Variants in THSD4 observed in about 807,000 individuals in gnomAD.
The protein encoded by THSD4 is thrombospondin type-1 domain-containing protein 4.
Under a neutral mutation model 119.0 loss-of-function variants are expected in THSD4, and 69 were observed. The observed-to-expected ratio is 0.58, with a 90% CI of 0.48 to 0.71. The LOEUF (loss-of-function observed/expected upper bound fraction) is 0.71, where lower values mean the gene tolerates loss of function less well. Among genes scored for constraint, THSD4 ranks in the 30% least tolerant of loss-of-function variants. THSD4 has a pLI of 0.00. For synonymous variants in THSD4, 524 were observed against 540.4 expected, an observed-to-expected ratio of 0.97 and a Z score of 0.42; for missense variants, 1,393 against 1,391.1, an observed-to-expected ratio of 1.00 and a Z score of -0.02.
At chr15:71,595,858 G>C (rs1337555403) in intron 7 of THSD4, among the ~76,000 whole-genome samples, 2 of 152,186 alleles carry the variant, frequency 1.3e-5, no homozygotes, top group African/African-American at 4.8e-5. Context: ...TAAGAAACTT[G>C]CCCAAGGTCT....
intron 6 of THSD4, among the ~76,000 whole-genome samples, chr15:71,287,899 T>C (rs2044738136): frequency 6.6e-6 from 1 of 152,226 alleles, no homozygotes; most frequent in South Asian, 2.1e-4. Flanking sequence ...AAATGATTTC[T>C]ATGGCTGAGA....
chr15:71,648,169 A>G lies in THSD4; in HGVS notation c.1153-12361A>G, dbSNP rs116870341. Among the ~76,000 whole-genome samples the G allele has an allele frequency of 1.8e-3, 278 of 152,302 alleles. 11 individuals carry two copies. The East Asian group carries it at 0.052, about 29-fold the overall frequency. ...CTTACCTTCTCAGAGCTTTGGCAAAATAGGGATAGTAATTCTTACCTCCTG... is the reference window on the plus strand; with the variant it reads ...CTTACCTTCTCAGAGCTTTGGCAAAGTAGGGATAGTAATTCTTACCTCCTG... On this transcript the variant is annotated intron_variant, in intron 7 of 17. Transcript: ENST00000261862.
At chr15:71,700,214 T>C (rs1212619915) in intron 8 of THSD4, among the ~76,000 whole-genome samples, 1 of 152,166 alleles carries the variant, frequency 6.6e-6, no homozygotes, top group East Asian at 1.9e-4. Flanking sequence ...TGAAAAACTA[T>C]TAGACCTAAT....
At chr15:71,408,423 G>C (rs1319441231) in intron 6 of THSD4, among the ~76,000 whole-genome samples, 1 of 152,038 alleles carries the variant, frequency 6.6e-6, no homozygotes, top group East Asian at 1.9e-4. Flanking sequence ...TGTAGAGACA[G>C]GGTCTCATTA....
intron 3 of THSD4, among the ~76,000 whole-genome samples, chr15:71,183,698 A>G (rs2043561913): frequency 1.5e-5 from 2 of 129,422 alleles, no homozygotes; most frequent in South Asian, 5.4e-4. Context: ...GTACCCAAAC[A>G]TGTTTCTTCT....
chr15:71,265,488 A>C (rs1364986538), intron 6 of THSD4, among the ~76,000 whole-genome samples: 2 of 152,216 alleles, frequency 1.3e-5, no homozygotes, highest in Non-Finnish European at 2.9e-5. Context: ...GGGTGCCTAC[A>C]CCACCAGGGC....
chr15:71,204,898 A>G (rs983603787), intron 3 of THSD4, among the ~76,000 whole-genome samples: 1 of 152,112 alleles, frequency 6.6e-6, no homozygotes, highest in African/African-American at 2.4e-5. Flanking sequence ...GTGGTTCAAA[A>G]TGCAGGAAAT....
chr15:71,591,579 A>C (rs927682882), intron 7 of THSD4, among the ~76,000 whole-genome samples: 2 of 152,106 alleles, frequency 1.3e-5, no homozygotes, highest in Non-Finnish European at 2.9e-5. Context: ...TGAAAGGGAG[A>C]GTTCAAGGAC....
At chr15:71,689,886 G>A (rs180773081) in intron 8 of THSD4, among the ~76,000 whole-genome samples, 91 of 152,272 alleles carry the variant, frequency 6.0e-4, no homozygotes, top group African/African-American at 2.0e-3. Flanking sequence ...GTCCCTGAAC[G>A]TGAGTGGAGG....
intron 6 of THSD4, among the ~76,000 whole-genome samples, chr15:71,354,078 C>T (rs192086725): frequency 1.3e-5 from 2 of 152,262 alleles, no homozygotes; most frequent in Non-Finnish European, 2.9e-5. Context: ...GGGAGGATTG[C>T]TTGAGCCCAA....
chr15:71,771,832 T>G (rs553770341), intron 17 of THSD4, among the ~76,000 whole-genome samples: 1 of 152,222 alleles, frequency 6.6e-6, no homozygotes, highest in East Asian at 1.9e-4. Context: ...GAGGAAAGCA[T>G]TGGAGAGTGT....
chr15:71,442,880 G>A (rs1401697669), intron 7 of THSD4, among the ~76,000 whole-genome samples: 1 of 150,784 alleles, frequency 6.6e-6, no homozygotes. Flanking sequence ...GGCAGGCATC[G>A]TTGCTCCTTT....
intron 6 of THSD4, among the ~76,000 whole-genome samples, chr15:71,347,170 G>A (rs967904214): frequency 6.6e-6 from 1 of 152,004 alleles, no homozygotes; most frequent in African/African-American, 2.4e-5. Context: ...CACCGTGCCC[G>A]GCTCATTCTC....
At chr15:71,454,672 G>T (rs527444346) in intron 7 of THSD4, among the ~76,000 whole-genome samples, 51 of 152,346 alleles carry the variant, frequency 3.3e-4, no homozygotes, top group African/African-American at 1.0e-3. Flanking sequence ...AGCACAGCCC[G>T]TTAAAATTCA....
intron 6 of THSD4, chr15:71,348,037 CAG>C (rs1285046121): frequency 6.6e-6 from 1 of 152,178 alleles, no homozygotes. Flanking sequence ...GCAAAGGGAA[CAG>C]AGTGTTTGAA....
intron 6 of THSD4, among the ~76,000 whole-genome samples, chr15:71,296,852 T>C (rs1257814595): frequency 1.3e-5 from 2 of 152,192 alleles, no homozygotes; most frequent in Non-Finnish European, 2.9e-5. Flanking sequence ...AACTAGATTT[T>C]TAATTGCTCC....
chr15:71,450,076 A>G (rs1003074047), intron 7 of THSD4, among the ~76,000 whole-genome samples: 1 of 152,248 alleles, frequency 6.6e-6, no homozygotes, highest in Non-Finnish European at 1.5e-5. Flanking sequence ...ACGAAGGAAC[A>G]AGGGAAGGAG....
At chr15:71,722,868 T>C (rs1330567492) in intron 8 of THSD4, among the ~76,000 whole-genome samples, 1 of 152,210 alleles carries the variant, frequency 6.6e-6, no homozygotes, top group Admixed American at 6.5e-5. Flanking sequence ...TCTATGCTTT[T>C]ATTTAAAAGT....
intron 6 of THSD4, among the ~76,000 whole-genome samples, chr15:71,312,683 C>T (rs1455147132): frequency 6.6e-6 from 1 of 152,160 alleles, no homozygotes; most frequent in Non-Finnish European, 1.5e-5. Context: ...TCAGTTACCT[C>T]TGGCCTCATA....
Sources: allele counts gnomAD v4.1 joint callset (sites outside exome capture counted in the v4.1 genomes callset), GRCh38; gene constraint gnomAD v4.1.1; transcripts MANE v1.5; gene names NCBI Gene and HGNC (gene_info 2026-07-23, HGNC 2026-07-21).